Variants in PXDNL observed in about 807,000 individuals in gnomAD.
PXDNL encodes peroxidasin like, also known as probable oxidoreductase PXDNL.
Under a neutral mutation model 150.8 loss-of-function variants are expected in PXDNL, and 145 were observed. That is an observed-to-expected ratio of 0.96 (90% CI 0.84 to 1.10). The LOEUF is 1.10. Ranked by LOEUF, PXDNL falls within the 50% of genes least tolerant of loss-of-function variation. The pLI, the probability that PXDNL is intolerant of heterozygous loss-of-function variation, is 0.00. For missense variants in PXDNL, 2,087 were observed against 1,873.9 expected (o/e 1.11, Z -2.10); for synonymous variants, 757 against 725.7 (o/e 1.04, Z -0.69).
intron 3 of PXDNL, among the ~76,000 whole-genome samples, chr8:51,583,352 A>G (rs553584311): frequency 6.6e-6 from 1 of 152,222 alleles, no homozygotes; most frequent in African/African-American, 2.4e-5. Context: ...AAGGAAGCAA[A>G]AGCTTCCTTA....
chr8:51,374,532 CAT>C (rs917581114), intron 18 of PXDNL, 63 bp downstream of exon 18: 139 of 1,492,968 alleles, frequency 9.3e-5, no homozygotes, highest in Non-Finnish European at 1.2e-4. Flanking sequence ...CAATGTTAAA[CAT>C]ATACATTTTG....
At chr8:51,699,743 T>C (rs1816212006) in intron 1 of PXDNL, among the ~76,000 whole-genome samples, 1 of 152,176 alleles carries the variant, frequency 6.6e-6, no homozygotes, top group Non-Finnish European at 1.5e-5. Flanking sequence ...TTATGGGCCA[T>C]TGTAGGGTTA....
At chr8:51,706,274 C>T (rs1816376276) in intron 1 of PXDNL, among the ~76,000 whole-genome samples, 1 of 152,040 alleles carries the variant, frequency 6.6e-6, no homozygotes, top group Admixed American at 6.5e-5. Context: ...GAGCTGAGAT[C>T]GTGCCACTGC....
chr8:51,390,397 A>C (rs2130835373), intron 17 of PXDNL, among the ~76,000 whole-genome samples: 1 of 152,300 alleles, frequency 6.6e-6, no homozygotes, highest in East Asian at 1.9e-4. Flanking sequence ...AAGATCACAA[A>C]GTTAATTACT....
At chr8:51,794,558 C>T (rs2037542622) in intron 1 of PXDNL, among the ~76,000 whole-genome samples, 1 of 152,180 alleles carries the variant, frequency 6.6e-6, no homozygotes, top group Non-Finnish European at 1.5e-5. Flanking sequence ...ATCTGCCAAA[C>T]TAAGCTTCAT....
chr8:51,747,778 A>C (rs1235206044), intron 1 of PXDNL, among the ~76,000 whole-genome samples: 1 of 152,218 alleles, frequency 6.6e-6, no homozygotes, highest in Non-Finnish European at 1.5e-5. Context: ...CCCGGGCCAT[A>C]GTTTTAATGA....
At chr8:51,809,082 G>A in intron 1 of PXDNL, 99 bp downstream of exon 1, 1 of 1,243,920 alleles carries the variant, frequency 8.0e-7, no homozygotes, top group Non-Finnish European at 1.1e-6. Context: ...TACAAGCAGG[G>A]AGAGCATTAG....
At chr8:51,452,352 C>A (rs1168845778) in intron 10 of PXDNL, among the ~76,000 whole-genome samples, 1 of 152,192 alleles carries the variant, frequency 6.6e-6, no homozygotes, top group Non-Finnish European at 1.5e-5. Context: ...TATTTCATTT[C>A]TGTGCCTTCT....
At chr8:51,452,527 G>A (rs1809828540) in intron 10 of PXDNL, among the ~76,000 whole-genome samples, 1 of 152,152 alleles carries the variant, frequency 6.6e-6, no homozygotes, top group South Asian at 2.1e-4. Flanking sequence ...AATGCAGGAA[G>A]ACTAGGCTGG....
At chr8:51,792,700 T>C (rs2037524581) in intron 1 of PXDNL, among the ~76,000 whole-genome samples, 1 of 152,098 alleles carries the variant, frequency 6.6e-6, no homozygotes, top group Non-Finnish European at 1.5e-5. Flanking sequence ...CAGCACAGGA[T>C]AATGGCTGTG....
At chr8:51,682,701 G>A (rs1815779200) in intron 1 of PXDNL, among the ~76,000 whole-genome samples, 1 of 152,162 alleles carries the variant, frequency 6.6e-6, no homozygotes, top group Non-Finnish European at 1.5e-5. Flanking sequence ...TTTTCAGTAA[G>A]AAGCTCAGAG....
intron 21 of PXDNL, among the ~76,000 whole-genome samples, chr8:51,324,340 T>A (rs888111630): frequency 2.3e-5 from 3 of 133,028 alleles, no homozygotes; most frequent in Non-Finnish European, 4.7e-5. Context: ...AGAATGGACA[T>A]CCTTGCCTTG....
At chr8:51,392,462 G>T (rs1807942620) in intron 17 of PXDNL, among the ~76,000 whole-genome samples, 1 of 152,162 alleles carries the variant, frequency 6.6e-6, no homozygotes, top group Non-Finnish European at 1.5e-5. Flanking sequence ...CACGTCCCTT[G>T]TAAGTTGGAT....
intron 4 of PXDNL, among the ~76,000 whole-genome samples, chr8:51,539,887 C>A (rs1435652740): frequency 6.6e-6 from 1 of 151,478 alleles, no homozygotes; most frequent in African/African-American, 2.4e-5. Context: ...CTCTTCTCAG[C>A]TATAATTTGT....
intron 4 of PXDNL, among the ~76,000 whole-genome samples, chr8:51,518,671 G>A (rs1241628966): frequency 1.3e-5 from 2 of 152,182 alleles, no homozygotes; most frequent in African/African-American, 4.8e-5. Flanking sequence ...TGCAGAAAAA[G>A]GAGGAGGTGA....
At chr8:51,352,621 C>T (rs1035643117) in intron 19 of PXDNL, among the ~76,000 whole-genome samples, 1 of 152,178 alleles carries the variant, frequency 6.6e-6, no homozygotes, top group Admixed American at 6.5e-5. Context: ...TTCTCCTTTG[C>T]CTTCCAACAT....
intron 2 of PXDNL, among the ~76,000 whole-genome samples, chr8:51,595,693 G>A (rs1313107937): frequency 6.6e-6 from 1 of 152,090 alleles, no homozygotes; most frequent in Non-Finnish European, 1.5e-5. Context: ...TTATTCTGGA[G>A]TGATTTGCAT....
At chr8:51,394,829 G>T (rs1808030778) in intron 17 of PXDNL, among the ~76,000 whole-genome samples, 1 of 152,124 alleles carries the variant, frequency 6.6e-6, no homozygotes, top group African/African-American at 2.4e-5. Context: ...CATAGGCCTA[G>T]AAGTCTCTGC....
intron 1 of PXDNL, among the ~76,000 whole-genome samples, chr8:51,668,302 G>A (rs997144290): frequency 1.3e-5 from 2 of 149,758 alleles, no homozygotes; most frequent in African/African-American, 4.9e-5. Flanking sequence ...AGCCTCCTGA[G>A]TAGCTGGAAC....
Sources: allele counts gnomAD v4.1 joint callset (sites outside exome capture counted in the v4.1 genomes callset), GRCh38; gene constraint gnomAD v4.1.1; transcripts MANE v1.5; gene names NCBI Gene and HGNC (gene_info 2026-07-23, HGNC 2026-07-21).